SPDYA: variants seen among roughly 807,000 people sequenced by gnomAD.
SPDYA encodes the protein speedy/RINGO cell cycle regulator family member A.
SPDYA carries 11 observed loss-of-function variants against 36.7 expected under a neutral mutation model. That is an observed-to-expected ratio of 0.30 (90% CI 0.19 to 0.50). SPDYA has a LOEUF of 0.50. Among genes scored for constraint, SPDYA ranks in the 20% least tolerant of loss-of-function variants. The pLI, the probability that SPDYA is intolerant of heterozygous loss-of-function variation, is 0.98. For missense variants in SPDYA, 287 were observed against 370.9 expected (o/e 0.77, Z 1.86); for synonymous variants, 115 against 118.7 (o/e 0.97, Z 0.20).
intron 6 of SPDYA, among the ~76,000 whole-genome samples, chr2:28,831,119 G>C (rs1328116030): frequency 1.3e-5 from 2 of 152,144 alleles, no homozygotes; most frequent in Non-Finnish European, 2.9e-5. Flanking sequence ...ACTTTTGGAG[G>C]CTAAGGTGGC....
In SPDYA at chr2:28,839,659, G is replaced by A. The variant is rs538109526; in HGVS notation, c.553-513G>A. Among the ~76,000 whole-genome samples the A allele has an allele frequency of 2.4e-3, 372 of 152,044 alleles. 2 individuals are homozygous for A. The highest frequency in any genetic ancestry group is 8.4e-3 in the African/African-American group (349 of 41,482). On this transcript the variant is annotated intron_variant, in intron 6 of 7. Transcript: ENST00000334056. ...TGGGACTACAGGCGCCCACAACCAC[G>A]CCCGGCTAATTTTTTTGTATTTTTA...
chr2:28,821,197 CTTTTTTTTT>C (rs11464702), intron 4 of SPDYA, among the ~76,000 whole-genome samples: 41 of 98,842 alleles, frequency 4.1e-4, no homozygotes, highest in South Asian at 3.0e-3. Flanking sequence ...TTTTCTTTTT[CTTTTTTTTT>C]TTTTTTTTTT....
At chr2:28,814,971 A>G (rs1218390495) in intron 2 of SPDYA, among the ~76,000 whole-genome samples, 1 of 152,160 alleles carries the variant, frequency 6.6e-6, no homozygotes. Context: ...TAGCTTTGTC[A>G]TACACTTACA....
chr2:28,847,142 A>T, intron 7 of SPDYA, among the ~76,000 whole-genome samples: 1 of 152,006 alleles, frequency 6.6e-6, no homozygotes, highest in East Asian at 1.9e-4. Context: ...CAGGAGTTTG[A>T]GATCAGCCTG....
intron 6 of SPDYA, among the ~76,000 whole-genome samples, chr2:28,836,630 T>G (rs765726359): frequency 6.6e-6 from 1 of 152,208 alleles, no homozygotes; most frequent in African/African-American, 2.4e-5. Context: ...CATGTCTGCT[T>G]TCCCCTTTTA....
rs1038784129 is a variant in SPDYA at position 28,811,913 on chromosome 2, C to CT, written c.-93+968dup. On this transcript the variant is annotated intron_variant, in intron 1 of 7. Transcript: ENST00000334056. The surrounding 1 kb of genome is among the most constrained non-coding windows in gnomAD (Gnocchi z 4.2). Reference sequence around the variant, plus strand: ...AGAGGTGGCAGTGATCCGAGATCGCCTTATAGCTGGGGTTAGCTGGTTTTG... The same window carrying CT: ...AGAGGTGGCAGTGATCCGAGATCGCCTTTATAGCTGGGGTTAGCTGGTTTTG... 3.4e-4 allele frequency among the ~76,000 whole-genome samples: 52 copies of CT among 152,230 alleles called. No individual in the cohort carries two copies. The highest frequency in any genetic ancestry group is 1.2e-3 in the African/African-American group (50 of 41,544).
rs548942018 is a variant in SPDYA at position 28,811,425 on chromosome 2, T to C, written c.-93+478T>C. 4.9e-4 allele frequency among the ~76,000 whole-genome samples: 75 copies of C among 152,148 alleles called. 1 individual carries two copies. The highest frequency in any genetic ancestry group is 1.0e-3 in the Non-Finnish European group (70 of 68,016). ...CTCCTTATGTCCCATTAAACACCTC[T>C]TTTTGTCCCCAAGATCGTCTGCCCC... On this transcript the variant is annotated intron_variant, in intron 1 of 7. Coordinates refer to ENST00000334056, the MANE Select transcript of SPDYA (RefSeq NM_182756.4). The surrounding 1 kb of genome is among the most constrained non-coding windows in gnomAD (Gnocchi z 4.2).
intron 3 of SPDYA, among the ~76,000 whole-genome samples, chr2:28,817,010 G>T (rs1441795102): frequency 2.0e-5 from 3 of 152,106 alleles, no homozygotes; most frequent in Non-Finnish European, 4.4e-5. Flanking sequence ...CTAGAGGAAG[G>T]TCAGGCGCAT....
At chr2:28,829,691 G>C (rs1668425190) in intron 6 of SPDYA, among the ~76,000 whole-genome samples, 1 of 151,374 alleles carries the variant, frequency 6.6e-6, no homozygotes, top group Non-Finnish European at 1.5e-5. Context: ...CGCCTGTAAT[G>C]CCAGCACTTT....
At position 28,846,588 on chromosome 2, in the gene SPDYA, A is replaced by G. The variant is rs117743457; in HGVS notation, c.851-3262A>G. ...CATAGACATAGAAGGCTAACATTAGAAGGTATCTGTCCCATAAACCAGACT... is the reference window on the plus strand; with the variant it reads ...CATAGACATAGAAGGCTAACATTAGGAGGTATCTGTCCCATAAACCAGACT... On this transcript the variant is annotated intron_variant, in intron 7 of 7. Coordinates refer to ENST00000334056, the MANE Select transcript of SPDYA (RefSeq NM_182756.4). 4.0e-3 allele frequency among the ~76,000 whole-genome samples: 604 copies of G among 152,296 alleles called. 5 individuals are homozygous for G. The highest frequency in any genetic ancestry group is 0.028 in the East Asian group (147 of 5,190).
intron 6 of SPDYA, among the ~76,000 whole-genome samples, chr2:28,836,388 G>A (rs771366834): frequency 5.3e-5 from 8 of 152,184 alleles, no homozygotes; most frequent in Non-Finnish European, 1.2e-4. Flanking sequence ...TGCAAAAACT[G>A]TGGCTTAGTA....
intron 6 of SPDYA, among the ~76,000 whole-genome samples, chr2:28,831,671 C>A (rs1311161634): frequency 6.6e-6 from 1 of 152,108 alleles, no homozygotes; most frequent in East Asian, 1.9e-4. Flanking sequence ...AGTAAAAAAT[C>A]TAGTACACTT....
chr2:28,848,503 T>A (rs1478775260), intron 7 of SPDYA, among the ~76,000 whole-genome samples: 10 of 152,246 alleles, frequency 6.6e-5, no homozygotes, highest in Non-Finnish European at 1.5e-4. Context: ...TGGTTACTCA[T>A]AGTACCTTGT....
At chr2:28,818,173 GA>G (rs994496298) in intron 3 of SPDYA, among the ~76,000 whole-genome samples, 1 of 151,880 alleles carries the variant, frequency 6.6e-6, no homozygotes, top group African/African-American at 2.4e-5. Context: ...TTAAAAAAAG[GA>G]AAAAAAGTTA....
chr2:28,845,233 G>A (rs1007026597), intron 7 of SPDYA, among the ~76,000 whole-genome samples: 1 of 149,374 alleles, frequency 6.7e-6, no homozygotes, highest in Admixed American at 6.7e-5. Context: ...CTACAGGCAC[G>A]TGCCACCATG....
At chr2:28,839,800 C>CT (rs1668705885) in intron 6 of SPDYA, among the ~76,000 whole-genome samples, 1 of 152,186 alleles carries the variant, frequency 6.6e-6, no homozygotes, top group South Asian at 2.1e-4. Flanking sequence ...CCGCGCCCGG[C>CT]CAATTAACTT....
At chr2:28,829,095 C>T (rs752029912) in intron 5 of SPDYA, 53 bp from the exon 6 acceptor site, 41 of 1,521,526 alleles carry the variant, frequency 2.7e-5, no homozygotes, top group Admixed American at 4.1e-5. Context: ...ATGTGAACTA[C>T]CTGTTTCTGT....
rs569589231 is a variant in SPDYA, at chr2:28,817,024, A to G, written c.235+775A>G. The stretch of plus-strand genomic sequence containing the variant: ...TCTAGAGGAAGGTCAGGCGCATTAA[A>G]GCAAGCTAGTTACGATTTAAAGAAA... On this transcript the variant is annotated intron_variant, in intron 3 of 7. Transcript: ENST00000334056. 5.9e-5 allele frequency among the ~76,000 whole-genome samples: 9 copies of G among 152,340 alleles called. No homozygotes were observed. In the South Asian group the frequency reaches 1.7e-3, roughly 28 times the overall value.
intron 5 of SPDYA, among the ~76,000 whole-genome samples, 194 bp downstream of exon 5, chr2:28,822,604 T>C (rs1350320074): frequency 6.6e-6 from 1 of 152,002 alleles, no homozygotes; most frequent in African/African-American, 2.4e-5. Flanking sequence ...AAGATTTCCT[T>C]TTTTATTTAT....
Sources: gnomAD v4.1 joint callset for allele counts (sites outside exome capture counted in the v4.1 genomes callset) on GRCh38, gnomAD v4.1.1 for gene constraint, Gnocchi (gnomAD v3.1) non-coding constraint, MANE v1.5 for transcripts, NCBI Gene and HGNC (gene_info 2026-07-23, HGNC 2026-07-21) for gene names.